Variants in GRM5 observed in about 807,000 individuals in gnomAD.
GRM5 encodes the protein metabotropic glutamate receptor 5.
A neutral mutation model predicts 83.1 loss-of-function variants in GRM5; 19 were observed. That is an observed-to-expected ratio of 0.23 (90% CI 0.16 to 0.34). GRM5 has a LOEUF of 0.34. Ranked by LOEUF, GRM5 falls within the 10% of genes least tolerant of loss-of-function variation. The probability of loss-of-function intolerance (pLI) is 1.00; values close to 1 mark genes in which losing one functional copy is unlikely to be tolerated. For synonymous variants in GRM5, 675 were observed against 633.6 expected, an observed-to-expected ratio of 1.07 and a Z score of -0.98; for missense variants, 1,160 against 1,588.3, an observed-to-expected ratio of 0.73 and a Z score of 4.58.
intron 3 of GRM5, among the ~76,000 whole-genome samples, chr11:88,764,993 A>C (rs766819554): frequency 4.0e-5 from 6 of 151,614 alleles, no homozygotes; most frequent in Non-Finnish European, 8.9e-5. Context: ...AGACTCAATT[A>C]CTAAAGTTAG....
Position 89,047,914 on chromosome 11 carries a change from GAAAATTCAGGAGGGTTCTGATAGCTAC to G in GRM5, c.-69_-43del. 6.7e-7 allele frequency: 1 copy of G among 1,498,808 alleles called. No homozygotes were observed. Among genetic ancestry groups the G allele is most frequent in the Non-Finnish European group, 9.2e-7 (1 of 1,082,510 alleles). The allele number at this position is 1,498,808 out of a possible 1,614,324, so 92.8% of individuals were successfully genotyped here. On this transcript the variant is annotated 5_prime_UTR_variant, in exon 2 of 10. Coordinates refer to ENST00000305447, the MANE Select transcript of GRM5 (RefSeq NM_001143831.3). This position sits in a 1 kb window ranked among gnomAD's most constrained non-coding sequence, Gnocchi z 5.1. The stretch of plus-strand genomic sequence containing the variant: ...AAGCCAATAAAGATAGCATGGTGGG[GAAAATTCAGGAGGGTTCTGATAGCTAC>G]GAACAAGCGATGTCCTACGTTGAGT...
intron 3 of GRM5, among the ~76,000 whole-genome samples, chr11:88,760,092 T>C (rs1442129465): frequency 6.6e-6 from 1 of 152,136 alleles, no homozygotes; most frequent in East Asian, 1.9e-4. Context: ...AGGAAATTTA[T>C]AGCACTAAAT....
At position 88,748,888 on chromosome 11, in the gene GRM5, G is replaced by A. The variant is rs763422542; in HGVS notation, c.912-95485C>T. On this transcript the variant is annotated intron_variant, in intron 3 of 9. Transcript: ENST00000305447. Reference sequence around the variant, plus strand: ...CCTGATTGTTAAAAACAACCAAACCGAAAACAACAACAATAACATCAACAG... The same window carrying A: ...CCTGATTGTTAAAAACAACCAAACCAAAAACAACAACAATAACATCAACAG... 1.6e-4 allele frequency among the ~76,000 whole-genome samples: 25 copies of A among 152,042 alleles called. 1 individual carries two copies. The highest frequency in any genetic ancestry group is 5.1e-4 in the African/African-American group (21 of 41,484).
At chr11:88,951,627 C>T (rs980236868) in intron 2 of GRM5, among the ~76,000 whole-genome samples, 3 of 152,188 alleles carry the variant, frequency 2.0e-5, no homozygotes, top group Non-Finnish European at 4.4e-5. Context: ...GAAATATTGT[C>T]TATTTAACAG....
At chr11:89,063,320 C>G (rs527468121) in intron 1 of GRM5, among the ~76,000 whole-genome samples, 14 of 152,270 alleles carry the variant, frequency 9.2e-5, no homozygotes, top group African/African-American at 3.4e-4. Flanking sequence ...TAAGGCTGTT[C>G]GCAAATGGAA....
At chr11:88,571,281 T>G (rs1942995880) in intron 7 of GRM5, among the ~76,000 whole-genome samples, 1 of 152,246 alleles carries the variant, frequency 6.6e-6, no homozygotes, top group Admixed American at 6.5e-5. Context: ...GTTAAAAATG[T>G]ACATGAGGCT....
chr11:88,906,052 G>T (rs1028146873), intron 2 of GRM5, among the ~76,000 whole-genome samples: 2 of 152,124 alleles, frequency 1.3e-5, no homozygotes, highest in African/African-American at 2.4e-5. Flanking sequence ...TTTACTTAGT[G>T]TATAACAGAA....
chr11:88,849,855 CT>C (rs1944359581), intron 3 of GRM5, 50 bp downstream of exon 3: 1 of 1,569,322 alleles, frequency 6.4e-7, no homozygotes, highest in African/African-American at 1.4e-5. Context: ...CCCTTCAGTG[CT>C]GCCAAATTCC....
intron 1 of GRM5, among the ~76,000 whole-genome samples, chr11:89,051,476 G>A (rs185415304): frequency 6.6e-5 from 10 of 152,186 alleles, no homozygotes; most frequent in East Asian, 1.9e-4. Context: ...TTGGGAGGCC[G>A]AGGCGGGCAG....
At chr11:89,065,522 C>T (rs1349243870) in intron 1 of GRM5, among the ~76,000 whole-genome samples, 1 of 152,146 alleles carries the variant, frequency 6.6e-6, no homozygotes, top group Non-Finnish European at 1.5e-5. Flanking sequence ...GCCCAGGCTC[C>T]TGACTTAAAT....
chr11:89,007,621 G>T (rs1303695718), intron 2 of GRM5, among the ~76,000 whole-genome samples: 1 of 152,188 alleles, frequency 6.6e-6, no homozygotes, highest in Non-Finnish European at 1.5e-5. Context: ...TACCTTGTTA[G>T]GTCATACGGG....
At chr11:88,974,842 G>C (rs1939283214) in intron 2 of GRM5, among the ~76,000 whole-genome samples, 1 of 152,068 alleles carries the variant, frequency 6.6e-6, no homozygotes, top group African/African-American at 2.4e-5. Flanking sequence ...ATACTAGAAA[G>C]AAAAATAGGA....
At chr11:88,698,159 C>T (rs1236317852) in intron 3 of GRM5, among the ~76,000 whole-genome samples, 1 of 152,136 alleles carries the variant, frequency 6.6e-6, no homozygotes, top group Non-Finnish European at 1.5e-5. Flanking sequence ...TATTAACTCC[C>T]CTGAATAAAA....
In GRM5 at chr11:88,605,021, C is replaced by A. The variant is rs541757222; in HGVS notation, c.1148-57G>T. 1.3e-5 allele frequency: 18 copies of A among 1,429,168 alleles called. No individual in the cohort carries two copies. In the South Asian group the frequency reaches 1.9e-4, roughly 15 times the overall value. The allele number at this position is 1,429,168 out of a possible 1,614,324, so 88.5% of individuals were successfully genotyped here. A position where few individuals can be genotyped will look rare whatever the true frequency, so the allele number is the denominator to read the frequency against. On this transcript the variant is annotated intron_variant, in intron 4 of 9. Coordinates refer to ENST00000305447, the MANE Select transcript of GRM5 (RefSeq NM_001143831.3). ...GGTACAAATCTACTCTCGCGACATT[C>A]CTGGGTACTGAATAATGGGTTACCT...
At chr11:88,687,991 C>G (rs1042487739) in intron 3 of GRM5, among the ~76,000 whole-genome samples, 1 of 152,084 alleles carries the variant, frequency 6.6e-6, no homozygotes, top group African/African-American at 2.4e-5. Context: ...AATTTTTAAT[C>G]TTTTGCTTTC....
At chr11:88,909,855 G>C (rs576380719) in intron 2 of GRM5, among the ~76,000 whole-genome samples, 5 of 152,002 alleles carry the variant, frequency 3.3e-5, no homozygotes, top group African/African-American at 7.2e-5. Context: ...GGACAAATAC[G>C]ATTTTTCCTG....
intron 8 of GRM5, among the ~76,000 whole-genome samples, chr11:88,533,587 A>G (rs551153510): frequency 6.6e-6 from 1 of 152,260 alleles, no homozygotes; most frequent in Admixed American, 6.5e-5. Flanking sequence ...CTATGAAGGC[A>G]TGGGTTCTGA....
chr11:88,849,181 A>G (rs1944348530), intron 3 of GRM5, among the ~76,000 whole-genome samples: 1 of 152,148 alleles, frequency 6.6e-6, no homozygotes, highest in Non-Finnish European at 1.5e-5. Context: ...GTATATACAC[A>G]CACACACAAA....
chr11:88,849,187 A>G (rs1035902669), intron 3 of GRM5, among the ~76,000 whole-genome samples: 2 of 152,064 alleles, frequency 1.3e-5, no homozygotes, highest in Non-Finnish European at 2.9e-5. Context: ...ACACACACAC[A>G]CAAATTTATA....
Sources: allele counts gnomAD v4.1 joint callset (sites outside exome capture counted in the v4.1 genomes callset), GRCh38; gene constraint gnomAD v4.1.1; non-coding constraint Gnocchi (gnomAD v3.1); transcripts MANE v1.5; gene names NCBI Gene and HGNC (gene_info 2026-07-23, HGNC 2026-07-21).